SGCD: variants seen among roughly 807,000 people sequenced by gnomAD.
SGCD encodes delta-sarcoglycan.
In SGCD, 18 loss-of-function variants were observed where a neutral mutation model predicts 36.6. The observed-to-expected ratio is 0.49, with a 90% CI of 0.34 to 0.73. SGCD has a LOEUF of 0.73. Among genes scored for constraint, SGCD ranks in the 30% least tolerant of loss-of-function variants. SGCD has a pLI of 0.01. For missense variants in SGCD, 387 were observed against 346.7 expected (o/e 1.12, Z -0.92); for synonymous variants, 133 against 130.6 (o/e 1.02, Z -0.12).
chr5:156,459,883 G>A (rs866198403), intron 3 of SGCD, among the ~76,000 whole-genome samples: 16 of 152,068 alleles, frequency 1.1e-4, no homozygotes, highest in Admixed American at 2.6e-4. Flanking sequence ...GGTAAGTATT[G>A]GCTGAAAGAT....
At chr5:156,711,273 C>T (rs1754982292) in intron 7 of SGCD, among the ~76,000 whole-genome samples, 3 of 152,126 alleles carry the variant, frequency 2.0e-5, no homozygotes, top group African/African-American at 7.2e-5. Context: ...GTGTTTTCCC[C>T]ATAGAGGCAG....
At chr5:156,202,027 T>C (rs1764163857) in intron 3 of SGCD, among the ~76,000 whole-genome samples, 1 of 152,166 alleles carries the variant, frequency 6.6e-6, no homozygotes, top group Non-Finnish European at 1.5e-5. Context: ...GTTGTTGTTG[T>C]TGAATTGCGA....
At chr5:155,821,354 C>A in the SGCD span, among the ~76,000 whole-genome samples, 1 of 151,922 alleles carries the variant, frequency 6.6e-6, no homozygotes, top group South Asian at 2.1e-4. Flanking sequence ...TTCTCTGTTG[C>A]CCAGGCTGGA....
chr5:156,466,334 T>C (rs1030500688), intron 3 of SGCD, among the ~76,000 whole-genome samples: 1 of 152,220 alleles, frequency 6.6e-6, no homozygotes, highest in Non-Finnish European at 1.5e-5. Flanking sequence ...TTTTAACTCT[T>C]GTACACAACT....
At chr5:156,603,923 T>G (rs1326747861) in intron 6 of SGCD, among the ~76,000 whole-genome samples, 4 of 152,074 alleles carry the variant, frequency 2.6e-5, no homozygotes, top group Admixed American at 6.5e-5. Context: ...TGGTCTATGG[T>G]ACAGTTTAAG....
At chr5:156,571,340 C>T in intron 4 of SGCD, among the ~76,000 whole-genome samples, 1 of 152,208 alleles carries the variant, frequency 6.6e-6, no homozygotes, top group East Asian at 1.9e-4. Flanking sequence ...AGCCACTGTG[C>T]CTGGCCCTTC....
chr5:156,166,645 T>G (rs1025198714), intron 3 of SGCD, among the ~76,000 whole-genome samples: 3 of 152,218 alleles, frequency 2.0e-5, no homozygotes, highest in Non-Finnish European at 4.4e-5. Context: ...TGAGCAGAGC[T>G]TTGTCATATT....
At chr5:156,266,579 C>T (rs1766004933) in intron 3 of SGCD, among the ~76,000 whole-genome samples, 1 of 152,126 alleles carries the variant, frequency 6.6e-6, no homozygotes, top group South Asian at 2.1e-4. Context: ...AACTCCTGGG[C>T]TTAAGCTATC....
At chr5:156,425,599 GTTTT>G (rs1773636860) in intron 3 of SGCD, among the ~76,000 whole-genome samples, 1 of 151,670 alleles carries the variant, frequency 6.6e-6, no homozygotes, top group Non-Finnish European at 1.5e-5. Flanking sequence ...GGTACATGTT[GTTTT>G]TTGTTACATG....
intron 4 of SGCD, among the ~76,000 whole-genome samples, chr5:156,513,404 A>G (rs1157664174): frequency 6.6e-6 from 1 of 152,128 alleles, no homozygotes; most frequent in Non-Finnish European, 1.5e-5. Context: ...TCGTTTTCTG[A>G]TGTATCTGAC....
chr5:156,394,783 T>C (rs565634595), intron 3 of SGCD, among the ~76,000 whole-genome samples: 1 of 152,358 alleles, frequency 6.6e-6, no homozygotes, highest in South Asian at 2.1e-4. Context: ...CTGCTGTGCT[T>C]TTATGGATGC....
At chr5:156,447,043 G>C (rs898035040) in intron 3 of SGCD, among the ~76,000 whole-genome samples, 1 of 152,060 alleles carries the variant, frequency 6.6e-6, no homozygotes, top group African/African-American at 2.4e-5. Flanking sequence ...AACACAGAAA[G>C]GATGTTAAAC....
intron 3 of SGCD, among the ~76,000 whole-genome samples, chr5:156,361,856 C>A (rs940030707): frequency 2.0e-5 from 3 of 152,172 alleles, no homozygotes; most frequent in Admixed American, 6.5e-5. Context: ...GGTTGTGATG[C>A]ATCCTCTGAA....
chr5:156,516,378 G>C (rs955859452), intron 4 of SGCD, among the ~76,000 whole-genome samples: 1 of 152,176 alleles, frequency 6.6e-6, no homozygotes, highest in Non-Finnish European at 1.5e-5. Context: ...GACACCTCCA[G>C]GTGCAGGAAA....
intron 1 of SGCD, among the ~76,000 whole-genome samples, chr5:155,891,415 G>T (rs1159675968): frequency 6.6e-6 from 1 of 151,790 alleles, no homozygotes; most frequent in Non-Finnish European, 1.5e-5. Context: ...AAAGAAGTTG[G>T]GCTTATTAAG....
chr5:155,761,430 T>C, the SGCD span, among the ~76,000 whole-genome samples: 1 of 148,436 alleles, frequency 6.7e-6, no homozygotes, highest in Admixed American at 6.7e-5. Flanking sequence ...TCTATCACCC[T>C]CTCCATCATC....
chr5:156,299,745 G>A (rs367721961), intron 3 of SGCD, among the ~76,000 whole-genome samples: 38 of 152,194 alleles, frequency 2.5e-4, no homozygotes, highest in East Asian at 2.1e-3. Flanking sequence ...GCTGTTCACC[G>A]TTGGCATGTA....
chr5:156,589,312 A>G lies in SGCD; in HGVS notation c.376A>G (p.Ile126Val). Residue 126 changes from isoleucine (I) to valine (V), a missense_variant, in exon 5 of 9, where the codon ATA (isoleucine) becomes GTA (valine). Ile to Val is a conservative substitution (Grantham distance 29). Coordinates refer to ENST00000337851, the MANE Select transcript of SGCD (RefSeq NM_000337.6). ...CCAGACTAAAGTGCTAACTCAGCTT[A>G]TAACAGGTAAGAAAAGGGAGAACTT... ...NDQTKVLTQL[I>V]TGPKAVEAYG... The G allele has an allele frequency of 3.8e-6, 6 of 1,558,470 alleles. No homozygotes were observed. The highest frequency in any genetic ancestry group is 5.2e-6 in the Non-Finnish European group (6 of 1,146,448).
chr5:155,904,783 T>G (rs993923217), intron 1 of SGCD, among the ~76,000 whole-genome samples: 1 of 152,224 alleles, frequency 6.6e-6, no homozygotes, highest in Admixed American at 6.5e-5. Context: ...TCTTATCTTT[T>G]GACTCAATAT....
Sources: gnomAD v4.1 joint callset for allele counts (sites outside exome capture counted in the v4.1 genomes callset) on GRCh38, gnomAD v4.1.1 for gene constraint, MANE v1.5 for transcripts, NCBI Gene and HGNC (gene_info 2026-07-23, HGNC 2026-07-21) for gene names.